The following PSMD14 variants were observed in gnomAD, a reference collection of about 807,000 sequenced individuals.
The protein encoded by PSMD14 is proteasome 26S subunit, non-ATPase 14, also known as ubiquitin C-terminal hydrolase PSMD14.
In PSMD14, 7 loss-of-function variants were observed where a neutral mutation model predicts 41.2. That is an observed-to-expected ratio of 0.17 (90% CI 0.10 to 0.32). The LOEUF (loss-of-function observed/expected upper bound fraction) is 0.32. Among genes scored for constraint, PSMD14 ranks in the 10% least tolerant of loss-of-function variants. PSMD14 has a pLI of 1.00. For synonymous variants in PSMD14, 114 were observed against 122.3 expected, an observed-to-expected ratio of 0.93 and a Z score of 0.45; for missense variants, 139 against 375.6, an observed-to-expected ratio of 0.37 and a Z score of 5.21.
At chr2:161,363,478 T>C (rs1683319299) in intron 3 of PSMD14, among the ~76,000 whole-genome samples, 1 of 152,222 alleles carries the variant, frequency 6.6e-6, no homozygotes, top group Admixed American at 6.5e-5. Context: ...TCTTGGTCTG[T>C]CCTCCAGCTT....
chr2:161,411,250 A>G, intron 11 of PSMD14, 52 bp from the exon 12 acceptor site: 1 of 1,249,000 alleles, frequency 8.0e-7, no homozygotes. Context: ...TAAGTAATTT[A>G]TCTACCAGTA....
At chr2:161,318,993 A>G in intron 3 of PSMD14, 120 bp downstream of exon 3, 1 of 654,642 alleles carries the variant, frequency 1.5e-6, no homozygotes, top group Non-Finnish European at 2.5e-6. Flanking sequence ...TATGGTAAGA[A>G]TCTTACCTTA....
chr2:161,336,656 ACCTCTGCCT>A (rs1353808678), intron 3 of PSMD14, among the ~76,000 whole-genome samples: 1 of 151,990 alleles, frequency 6.6e-6, no homozygotes, highest in Non-Finnish European at 1.5e-5. Flanking sequence ...GCTCACTGCA[ACCTCTGCCT>A]CCTAGGTTCA....
chr2:161,361,514 G>T (rs1293504913), intron 3 of PSMD14, among the ~76,000 whole-genome samples: 1 of 151,358 alleles, frequency 6.6e-6, no homozygotes. Flanking sequence ...CTTTGTAATT[G>T]GGAAACTTGT....
intron 3 of PSMD14, among the ~76,000 whole-genome samples, chr2:161,338,307 A>G (rs1262456325): frequency 6.6e-6 from 1 of 151,498 alleles, no homozygotes; most frequent in Non-Finnish European, 1.5e-5. Flanking sequence ...CACAGGCCCT[A>G]TAACGCAGTT....
chr2:161,359,778 A>G (rs1683263449), intron 3 of PSMD14, among the ~76,000 whole-genome samples: 1 of 152,236 alleles, frequency 6.6e-6, no homozygotes, highest in Non-Finnish European at 1.5e-5. Context: ...CTAAGCTCCC[A>G]GAATAAAAGT....
intron 3 of PSMD14, among the ~76,000 whole-genome samples, chr2:161,361,016 A>G (rs938512479): frequency 3.3e-5 from 5 of 152,170 alleles, no homozygotes; most frequent in Non-Finnish European, 7.3e-5. Context: ...AATTTAGATT[A>G]TGTTGGCAAT....
chr2:161,342,392 C>G (rs1682979017), intron 3 of PSMD14, among the ~76,000 whole-genome samples: 1 of 151,794 alleles, frequency 6.6e-6, no homozygotes, highest in South Asian at 2.1e-4. Flanking sequence ...CTGCATGTAT[C>G]GAGATGATTA....
chr2:161,331,649 G>C (rs1271784676), intron 3 of PSMD14, among the ~76,000 whole-genome samples: 1 of 152,156 alleles, frequency 6.6e-6, no homozygotes, highest in Non-Finnish European at 1.5e-5. Context: ...GTAATATAGG[G>C]AGACAGTCAG....
At chr2:161,395,270 T>G in intron 10 of PSMD14, 67 bp downstream of exon 10, 2 of 1,309,420 alleles carry the variant, frequency 1.5e-6, no homozygotes, top group Non-Finnish European at 2.1e-6. Flanking sequence ...TGCCAAGCAT[T>G]GTGTAAGTAA....
chr2:161,337,774 A>AG (rs556051045), intron 3 of PSMD14, among the ~76,000 whole-genome samples: 289 of 152,338 alleles, frequency 1.9e-3, no homozygotes, highest in Non-Finnish European at 2.9e-3. Context: ...TGTAGCAGGA[A>AG]GGGGATTAGA....
chr2:161,313,557 C>T (rs1307771911), intron 1 of PSMD14, among the ~76,000 whole-genome samples: 1 of 152,172 alleles, frequency 6.6e-6, no homozygotes, highest in Non-Finnish European at 1.5e-5. Context: ...GCCATGTTGG[C>T]CAGGCTGGTC....
At chr2:161,366,093 ATTACT>A (rs1574131704) in intron 3 of PSMD14, among the ~76,000 whole-genome samples, 1 of 152,140 alleles carries the variant, frequency 6.6e-6, no homozygotes, top group African/African-American at 2.4e-5. Flanking sequence ...TTGGCCTGTT[ATTACT>A]TTACTTTAGC....
intron 3 of PSMD14, among the ~76,000 whole-genome samples, chr2:161,331,268 T>A (rs981191012): frequency 2.0e-5 from 3 of 151,974 alleles, no homozygotes; most frequent in African/African-American, 4.8e-5. Context: ...ATTTTTTTTT[T>A]TTTTTTATTT....
intron 3 of PSMD14, among the ~76,000 whole-genome samples, chr2:161,357,358 T>A (rs1683222186): frequency 6.6e-6 from 1 of 152,160 alleles, no homozygotes; most frequent in African/African-American, 2.4e-5. Flanking sequence ...TAAAGGCTGG[T>A]CACACTGCTT....
chr2:161,367,539 C>A lies in PSMD14; in HGVS notation c.110C>A (p.Ala37Glu). ...TAEQVYISSL[A>E]LLKMLKHGRA... ...GAACAAGTCTATATCTCTTCCCTGG[C>A]ACTGTTAAAAGTAGGTAATGAATGT... Residue 37 changes from alanine (A) to glutamate (E), a missense_variant, in exon 4 of 12, where the codon GCA becomes GAA. Around this residue, in one of 4 missense-constraint regions of PSMD14, gnomAD observed 24 missense variants for 55.3 expected, o/e 0.43. Transcript: ENST00000409682. 6.3e-7 allele frequency: 1 copy of A among 1,599,986 alleles called. No homozygotes were observed. Among genetic ancestry groups the A allele is most frequent in the Non-Finnish European group, 8.5e-7 (1 of 1,172,530 alleles).
At chr2:161,350,401 T>C (rs1683101409) in intron 3 of PSMD14, among the ~76,000 whole-genome samples, 1 of 152,252 alleles carries the variant, frequency 6.6e-6, no homozygotes, top group African/African-American at 2.4e-5. Context: ...CAGTAATTTA[T>C]ACCAAGAAGG....
chr2:161,386,847 C>T (rs1683642306), intron 8 of PSMD14, among the ~76,000 whole-genome samples: 1 of 151,924 alleles, frequency 6.6e-6, no homozygotes. Context: ...AGTCACTCAC[C>T]ACCTGTTGCA....
rs1689137499 is a variant in PSMD14 at position 161,315,531 on chromosome 2, A to T, written c.-137-906A>T. Among the ~76,000 whole-genome samples the T allele has an allele frequency of 2.0e-5, 3 of 152,202 alleles. No individual in the cohort carries two copies. In the South Asian group the frequency reaches 6.2e-4, roughly 31 times the overall value. On this transcript the variant is annotated intron_variant, in intron 1 of 11. Transcript: ENST00000409682. ...CTCTAGTGTTCTATATCTTTTTGAA[A>T]GATGGGTCAGTGCTTTCTACAACAC... is the stretch of plus-strand genomic sequence containing the variant.
Sources: allele counts gnomAD v4.1 joint callset (sites outside exome capture counted in the v4.1 genomes callset), GRCh38; gene constraint gnomAD v4.1.1; regional missense constraint gnomAD v4.1.1; transcripts MANE v1.5; gene names NCBI Gene and HGNC (gene_info 2026-07-23, HGNC 2026-07-21).